The following ROBO2 variants were observed in gnomAD, a reference collection of about 807,000 sequenced individuals.
The protein encoded by ROBO2 is roundabout homolog 2.
Under a neutral mutation model 160.8 loss-of-function variants are expected in ROBO2, and 53 were observed. The observed-to-expected ratio is 0.33, with a 90% CI of 0.26 to 0.41. The LOEUF is 0.41. Among genes scored for constraint, ROBO2 ranks in the 10% least tolerant of loss-of-function variants. The pLI is 1.00. For synonymous variants in ROBO2, 664 were observed against 611.7 expected (o/e 1.09, Z -1.26); for missense variants, 1,577 against 1,722.4 (o/e 0.92, Z 1.49).
chr3:77,511,154 A>G (rs2089338753), intron 5 of ROBO2, among the ~76,000 whole-genome samples: 2 of 152,022 alleles, frequency 1.3e-5, no homozygotes. Flanking sequence ...TGGGCGATGA[A>G]CAAAAACAAC....
chr3:76,401,864 CA>C (rs1175639084), intron 2 of ROBO2, among the ~76,000 whole-genome samples: 2 of 151,310 alleles, frequency 1.3e-5, no homozygotes, highest in African/African-American at 4.8e-5. Flanking sequence ...CTAGTTTGCA[CA>C]ATGGTAGTAA....
chr3:76,423,847 G>A (rs542700279), intron 2 of ROBO2, among the ~76,000 whole-genome samples: 6 of 152,250 alleles, frequency 3.9e-5, no homozygotes, highest in African/African-American at 1.4e-4. Flanking sequence ...ATCATTGTGA[G>A]CCAGGTATTA....
chr3:75,941,975 C>T (rs909296380), intron 2 of ROBO2, among the ~76,000 whole-genome samples: 1 of 152,176 alleles, frequency 6.6e-6, no homozygotes. Context: ...CTCTCTCTCT[C>T]TCTGTCTTTG....
intron 12 of ROBO2, among the ~76,000 whole-genome samples, chr3:77,567,416 T>C (rs926397696): frequency 5.3e-5 from 8 of 152,052 alleles, no homozygotes; most frequent in Non-Finnish European, 1.2e-4. Flanking sequence ...CTGCTTACGA[T>C]TTATCATTTT....
At chr3:76,489,226 T>G (rs2107496052) in intron 2 of ROBO2, among the ~76,000 whole-genome samples, 1 of 151,438 alleles carries the variant, frequency 6.6e-6, no homozygotes. Flanking sequence ...TGAAAAAATG[T>G]TTGTAATGGA....
chr3:77,377,465 A>T (rs1001966640), intron 2 of ROBO2, among the ~76,000 whole-genome samples: 2 of 152,236 alleles, frequency 1.3e-5, no homozygotes, highest in Non-Finnish European at 1.5e-5. Flanking sequence ...TATTACAGTG[A>T]TCTTAATCCA....
intron 2 of ROBO2, among the ~76,000 whole-genome samples, chr3:76,109,444 G>A (rs913612286): frequency 2.6e-5 from 4 of 152,002 alleles, no homozygotes; most frequent in African/African-American, 9.7e-5. Context: ...TGGCTTGTGA[G>A]ATAAAATATG....
At chr3:76,005,920 T>C (rs921917428) in intron 2 of ROBO2, among the ~76,000 whole-genome samples, 1 of 152,198 alleles carries the variant, frequency 6.6e-6, no homozygotes, top group African/African-American at 2.4e-5. Flanking sequence ...CCTAGGGAGA[T>C]ATAAATTTCT....
intron 2 of ROBO2, among the ~76,000 whole-genome samples, chr3:75,983,863 A>G (rs2065343078): frequency 6.6e-6 from 1 of 151,556 alleles, no homozygotes; most frequent in South Asian, 2.1e-4. Context: ...GAAAACACAG[A>G]CATTTAATTA....
At chr3:77,515,652 C>T (rs1447845) in intron 5 of ROBO2, among the ~76,000 whole-genome samples, 110,933 of 151,412 alleles carry the variant, frequency 0.73, 40,813 homozygotes, top group East Asian at 0.81. Context: ...TAGTATATCC[C>T]CTGCTTACTT....
At chr3:77,346,831 G>A (rs1242180152) in intron 2 of ROBO2, among the ~76,000 whole-genome samples, 2 of 152,030 alleles carry the variant, frequency 1.3e-5, no homozygotes, top group Non-Finnish European at 2.9e-5. Flanking sequence ...TTCAATCTTC[G>A]AATCTCTCTT....
At chr3:76,589,663 A>C (rs2108811259) in intron 2 of ROBO2, among the ~76,000 whole-genome samples, 1 of 152,304 alleles carries the variant, frequency 6.6e-6, no homozygotes, top group African/African-American at 2.4e-5. Context: ...GCTATACTAC[A>C]ATGTTACCTA....
intron 2 of ROBO2, among the ~76,000 whole-genome samples, chr3:76,457,868 C>T (rs1218296175): frequency 3.3e-5 from 5 of 152,178 alleles, no homozygotes; most frequent in African/African-American, 1.2e-4. Flanking sequence ...TGTACCTTGG[C>T]CCCTTTCAGC....
chr3:76,561,395 T>G (rs553073930), intron 2 of ROBO2, among the ~76,000 whole-genome samples: 1 of 152,284 alleles, frequency 6.6e-6, no homozygotes, highest in East Asian at 1.9e-4. Context: ...CATCTCAAGT[T>G]TATATAACTT....
In ROBO2 at chr3:77,612,688, T is replaced by A. The variant is rs1037512089; in HGVS notation, c.3293+4734T>A. Among the ~76,000 whole-genome samples, 4 of 152,262 alleles carry A rather than the reference T, an allele frequency of 2.6e-5. No individual in the cohort carries two copies. The East Asian group carries it at 7.7e-4, about 29-fold the overall frequency. On this transcript the variant is annotated intron_variant, in intron 21 of 25. Coordinates refer to ENST00000461745, the Ensembl canonical transcript of ROBO2. ...CTGGCTAGGCGCGGTAGCTCACTCT[T>A]GTAATCCCAGCACGTTGGGAGGCCA...
chr3:76,348,054 C>T (rs1016593388), intron 2 of ROBO2, among the ~76,000 whole-genome samples: 11 of 152,052 alleles, frequency 7.2e-5, no homozygotes, highest in Admixed American at 1.3e-4. Flanking sequence ...AAGCACTATC[C>T]GCCATCATTC....
chr3:76,634,629 AT>A (rs2090219110), intron 2 of ROBO2, among the ~76,000 whole-genome samples: 1 of 151,906 alleles, frequency 6.6e-6, no homozygotes, highest in African/African-American at 2.4e-5. Context: ...TAATGGCCTC[AT>A]TTTTGATTAA....
intron 2 of ROBO2, among the ~76,000 whole-genome samples, chr3:77,473,221 C>T (rs1351398506): frequency 6.6e-6 from 1 of 151,818 alleles, no homozygotes; most frequent in Non-Finnish European, 1.5e-5. Context: ...TTTTATTATG[C>T]GGATGAGTTC....
intron 2 of ROBO2, among the ~76,000 whole-genome samples, chr3:77,333,857 A>C (rs2066222369): frequency 6.6e-6 from 1 of 152,140 alleles, no homozygotes; most frequent in South Asian, 2.1e-4. Context: ...CTTTTTTCTG[A>C]AATAGGGATG....
Sources: gnomAD v4.1 joint callset for allele counts (sites outside exome capture counted in the v4.1 genomes callset) on GRCh38, gnomAD v4.1.1 for gene constraint, MANE v1.5 for transcripts, NCBI Gene and HGNC (gene_info 2026-07-23, HGNC 2026-07-21) for gene names.